Variants in TMEM87B observed in about 807,000 individuals in gnomAD.
The protein encoded by TMEM87B is transmembrane protein 87B.
TMEM87B carries 83 observed loss-of-function variants against 80.3 expected under a neutral mutation model. The ratio of observed to expected loss-of-function variants is 1.03; its 90% confidence interval spans 0.87 to 1.24. The LOEUF is 1.24. TMEM87B is among the 50% of genes most tolerant of loss of function. TMEM87B has a pLI of 0.00. For synonymous variants in TMEM87B, 219 were observed against 230.5 expected (o/e 0.95, Z 0.45); for missense variants, 625 against 674.4 (o/e 0.93, Z 0.81).
chr2:112,113,700 C>T (rs2104510619), intron 18 of TMEM87B, among the ~76,000 whole-genome samples: 1 of 142,404 alleles, frequency 7.0e-6, no homozygotes, highest in Non-Finnish European at 1.5e-5. Context: ...ATTCATAACT[C>T]TACAGAAAGA....
chr2:112,112,861 T>C (rs930844909), intron 17 of TMEM87B, 38 bp from the exon 18 acceptor site: 7 of 1,605,530 alleles, frequency 4.4e-6, no homozygotes, highest in African/African-American at 4.0e-5. Flanking sequence ...GGCCTTACTG[T>C]TAACAACATT....
chr2:112,057,628 T>C (rs964582697), intron 1 of TMEM87B, among the ~76,000 whole-genome samples: 1 of 152,190 alleles, frequency 6.6e-6, no homozygotes, highest in Non-Finnish European at 1.5e-5. Flanking sequence ...AGCACCACTG[T>C]GTGTCATATG....
rs776241621 is a variant in TMEM87B, at chr2:112,077,285, ATAGT to A, written c.592+6_592+9del. 17 of 1,509,554 alleles carry A rather than the reference ATAGT, an allele frequency of 1.1e-5. No homozygotes were observed. Among genetic ancestry groups the A allele is most frequent in the Non-Finnish European group, 1.4e-5 (16 of 1,105,116 alleles). 93.5% of individuals were successfully genotyped at this position (1,509,554 alleles called of 1,614,324 possible). On this transcript the variant is annotated splice_donor_5th_base_variant and intron_variant, in intron 6 of 18. Coordinates refer to ENST00000283206, the MANE Select transcript of TMEM87B (RefSeq NM_032824.3). ...AGATGCAAGCTGGAATTTGAATGGT[ATAGT>A]TAAACTGCATGCATGTTTACTGTCT... is the stretch of plus-strand genomic sequence containing the variant.
chr2:112,087,240 C>T (rs1486608951), intron 9 of TMEM87B, among the ~76,000 whole-genome samples: 2 of 152,036 alleles, frequency 1.3e-5, no homozygotes, highest in African/African-American at 2.4e-5. Context: ...GGCTCCCACC[C>T]GAGCAGGGGA....
At chr2:112,056,526 C>T (rs1298029169) in intron 1 of TMEM87B, among the ~76,000 whole-genome samples, 1 of 152,036 alleles carries the variant, frequency 6.6e-6, no homozygotes, top group Non-Finnish European at 1.5e-5. Context: ...GAAAGTCTTG[C>T]AAAAGAGAGA....
At chr2:112,063,621 C>T (rs1474329599) in intron 2 of TMEM87B, among the ~76,000 whole-genome samples, 7 of 152,204 alleles carry the variant, frequency 4.6e-5, no homozygotes, top group Admixed American at 4.6e-4. Flanking sequence ...TTACAGGTCT[C>T]CTCCTCCAGC....
intron 2 of TMEM87B, among the ~76,000 whole-genome samples, chr2:112,063,288 C>T (rs73958417): frequency 0.077 from 11,704 of 152,214 alleles, 1,014 homozygotes; most frequent in African/African-American, 0.22. Flanking sequence ...CTGGGGTAAG[C>T]CAGCTGCCAT....
intron 1 of TMEM87B, among the ~76,000 whole-genome samples, chr2:112,057,868 C>G (rs1008901537): frequency 2.0e-5 from 3 of 149,026 alleles, no homozygotes; most frequent in Non-Finnish European, 1.5e-5. Flanking sequence ...GCTTTTGCTG[C>G]CCAGGCTGGA....
chr2:112,104,978 G>T (rs935264399), intron 15 of TMEM87B, among the ~76,000 whole-genome samples: 7 of 152,166 alleles, frequency 4.6e-5, no homozygotes, highest in Admixed American at 4.6e-4. Context: ...AATCAGAGCA[G>T]TGGTTGCTTT....
Position 112,082,677 on chromosome 2 carries a change from C to T in TMEM87B, c.838+1159C>T, listed in dbSNP as rs532577386. ...TTTATGGTGTGTGTGTGTGTGTGTG[C>T]GTGTGCGTGTGCGTGCATGTGTGCT... On this transcript the variant is annotated intron_variant, in intron 8 of 18. Coordinates refer to ENST00000283206, the MANE Select transcript of TMEM87B (RefSeq NM_032824.3). Among the ~76,000 whole-genome samples, 7 of 149,954 alleles carry T rather than the reference C, an allele frequency of 4.7e-5. No homozygotes were observed. In the East Asian group the frequency reaches 1.2e-3, roughly 25 times the overall value.
At position 112,097,072 on chromosome 2, in the gene TMEM87B, A is replaced by C; in HGVS notation, c.1133A>C (p.Lys378Thr). The C allele has an allele frequency of 2.5e-6, 4 of 1,600,906 alleles. No individual in the cohort carries two copies. Among genetic ancestry groups the C allele is most frequent in the Non-Finnish European group, 2.6e-6 (3 of 1,176,294 alleles). The change falls in exon 12 of 19, where the codon AAG (lysine) becomes ACG (threonine). Residue 378 changes from lysine to threonine, a missense_variant. Physicochemically the swap from Lys to Thr is moderately conservative, Grantham distance 78. Coordinates refer to ENST00000283206, the MANE Select transcript of TMEM87B (RefSeq NM_032824.3). ...FIFISLAQTM[K>T]TLRLRKNTVK... ...TTTATTAGTTTGGCACAAACTATGA[A>C]GACCCTAAGGCTAAGAAAGAACACT...
chr2:112,055,962 C>T (rs558545702), intron 1 of TMEM87B, among the ~76,000 whole-genome samples: 5 of 152,342 alleles, frequency 3.3e-5, no homozygotes, highest in African/African-American at 9.6e-5. Flanking sequence ...AGGCAAGAGC[C>T]GTCAGGATTG....
intron 16 of TMEM87B, among the ~76,000 whole-genome samples, chr2:112,106,793 G>A (rs1471027004): frequency 1.3e-5 from 2 of 152,116 alleles, no homozygotes; most frequent in African/African-American, 4.8e-5. Context: ...GTTCTGACAC[G>A]ATAGATAATA....
At chr2:112,083,503 C>G (rs1390666178) in intron 8 of TMEM87B, among the ~76,000 whole-genome samples, 1 of 152,306 alleles carries the variant, frequency 6.6e-6, no homozygotes, top group Non-Finnish European at 1.5e-5. Flanking sequence ...AGAGGTAGAC[C>G]ACTTCCATCA....
In TMEM87B at chr2:112,071,477, T is replaced by G. The variant is rs192148546; in HGVS notation, c.451-3435T>G. ...TGACCATGCCCGGCTAATTTTTGAATTTTTTTTTTAGTAGAGACGGGGTTT... is the reference window on the plus strand; with the variant it reads ...TGACCATGCCCGGCTAATTTTTGAAGTTTTTTTTTAGTAGAGACGGGGTTT... On this transcript the variant is annotated intron_variant, in intron 4 of 18. Coordinates refer to ENST00000283206, the MANE Select transcript of TMEM87B (RefSeq NM_032824.3). Among the ~76,000 whole-genome samples, 324 of 149,558 alleles carry G rather than the reference T, an allele frequency of 2.2e-3. 2 individuals are homozygous for G. Among genetic ancestry groups the G allele is most frequent in the African/African-American group, 7.3e-3 (298 of 40,918 alleles).
chr2:112,071,799 GC>G (rs1296319529), intron 4 of TMEM87B, among the ~76,000 whole-genome samples: 1 of 152,010 alleles, frequency 6.6e-6, no homozygotes, highest in Non-Finnish European at 1.5e-5. Context: ...GATTGCTCTG[GC>G]CAGGACTTCC....
At chr2:112,101,518 C>T (rs915866967) in intron 15 of TMEM87B, among the ~76,000 whole-genome samples, 4 of 152,154 alleles carry the variant, frequency 2.6e-5, no homozygotes, top group African/African-American at 9.7e-5. Flanking sequence ...TCTCCCAGAA[C>T]TTAACTACTG....
Position 112,081,471 on chromosome 2 carries a change from C to T in TMEM87B, c.791C>T (p.Ala264Val). The change falls in exon 8 of 19, where the codon GCA becomes GTA. Residue 264 changes from alanine to valine, a missense_variant. Ala to Val is a moderately conservative substitution (Grantham distance 64, BLOSUM62 0). Transcript: ENST00000283206. ...AVIFLGMLEKAVFYSEYQNIS... is the reference protein window; with the variant it reads ...AVIFLGMLEKVVFYSEYQNIS... ...ATTTTTTTGGGAATGCTTGAAAAAG[C>T]AGTTTTTTATAGTGAATACCAAAAC... The T allele has an allele frequency of 1.2e-6, 2 of 1,613,192 alleles. No individual in the cohort carries two copies. Among genetic ancestry groups the T allele is most frequent in the South Asian group, 2.2e-5 (2 of 90,932 alleles).
At chr2:112,095,323 C>G in intron 11 of TMEM87B, 4 of 983,912 alleles carry the variant, frequency 4.1e-6, no homozygotes, top group Non-Finnish European at 4.8e-6. Context: ...ACCACAGCAG[C>G]GCGCTCTCAC....
Sources: gnomAD v4.1 joint callset for allele counts (sites outside exome capture counted in the v4.1 genomes callset) on GRCh38, gnomAD v4.1.1 for gene constraint, MANE v1.5 for transcripts, NCBI Gene and HGNC (gene_info 2026-07-23, HGNC 2026-07-21) for gene names.